ARHGAP35: variants seen among roughly 807,000 people sequenced by gnomAD.
The protein encoded by ARHGAP35 is rho GTPase-activating protein 35.
Under a neutral mutation model 111.1 loss-of-function variants are expected in ARHGAP35, and 15 were observed. The observed-to-expected ratio is 0.13, with a 90% CI of 0.09 to 0.21. The LOEUF (loss-of-function observed/expected upper bound fraction) is 0.21. ARHGAP35 is among the 10% of genes least tolerant of loss of function. ARHGAP35 has a pLI of 1.00. For missense variants in ARHGAP35, 1,262 were observed against 1,873.0 expected, an observed-to-expected ratio of 0.67 and a Z score of 6.02; for synonymous variants, 643 against 710.3, an observed-to-expected ratio of 0.91 and a Z score of 1.51.
At chr19:46,880,801 G>A (rs2055958127) in intron 1 of ARHGAP35, among the ~76,000 whole-genome samples, 1 of 150,860 alleles carries the variant, frequency 6.6e-6, no homozygotes, top group African/African-American at 2.4e-5. Flanking sequence ...TCAGCCTACC[G>A]AGTACCTGAG....
chr19:46,878,084 T>G (rs11883267), intron 1 of ARHGAP35, among the ~76,000 whole-genome samples: 4,074 of 152,178 alleles, frequency 0.027, 183 homozygotes, highest in African/African-American at 0.091. Flanking sequence ...AGTATAGTGG[T>G]GCAATCTTGG....
At chr19:46,991,933 A>C (rs1280558941) in intron 5 of ARHGAP35, among the ~76,000 whole-genome samples, 2 of 152,252 alleles carry the variant, frequency 1.3e-5, no homozygotes, top group Admixed American at 6.5e-5. Flanking sequence ...ACCAGTTTCA[A>C]ATCCCATCAC....
chr19:46,893,617 T>C (rs2056037591), intron 1 of ARHGAP35, among the ~76,000 whole-genome samples: 1 of 151,892 alleles, frequency 6.6e-6, no homozygotes, highest in African/African-American at 2.4e-5. Context: ...CTCTCCCCCC[T>C]TGGTTTTGCC....
rs1278367716 is a variant in ARHGAP35 at position 46,926,863 on chromosome 19, G to T, written c.3681+4507G>T. ...TTTGTGTGGACACAGCTCTCATTTT[G>T]TGAGGCCTAGAATGGAGTTAAAGTT... On this transcript the variant is annotated intron_variant, in intron 2 of 6. Coordinates refer to ENST00000672722, the MANE Select transcript of ARHGAP35 (RefSeq NM_004491.5). This position sits in a 1 kb window ranked among gnomAD's most constrained non-coding sequence, Gnocchi z 4.1. Among the ~76,000 whole-genome samples the T allele has an allele frequency of 6.6e-6, 1 of 152,194 alleles. No individual in the cohort carries two copies. Among genetic ancestry groups the T allele is most frequent in the Non-Finnish European group, 1.5e-5 (1 of 68,048 alleles).
chr19:46,974,350 C>T (rs776464193), intron 3 of ARHGAP35, among the ~76,000 whole-genome samples: 1 of 152,178 alleles, frequency 6.6e-6, no homozygotes, highest in Non-Finnish European at 1.5e-5. Context: ...AGTAAGCTTA[C>T]CCACACTTCT....
intron 2 of ARHGAP35, among the ~76,000 whole-genome samples, chr19:46,924,307 A>AT (rs2056226078): frequency 6.6e-6 from 1 of 152,136 alleles, no homozygotes; most frequent in Non-Finnish European, 1.5e-5. Context: ...GCCCCGAGAG[A>AT]TGGAGGAACA....
chr19:46,868,867 G>C (rs1418141821), intron 1 of ARHGAP35, among the ~76,000 whole-genome samples: 1 of 137,776 alleles, frequency 7.3e-6, no homozygotes, highest in Non-Finnish European at 1.6e-5. Flanking sequence ...CTTTCCTCTT[G>C]AGTTATTTAG....
intron 1 of ARHGAP35, among the ~76,000 whole-genome samples, chr19:46,874,125 C>T (rs879590570): frequency 8.5e-5 from 13 of 152,104 alleles, no homozygotes; most frequent in Non-Finnish European, 1.9e-4. Flanking sequence ...AATAATTTAG[C>T]AAAAGTTTGT....
At chr19:46,961,030 G>T (rs2056479165) in intron 3 of ARHGAP35, among the ~76,000 whole-genome samples, 1 of 152,114 alleles carries the variant, frequency 6.6e-6, no homozygotes, top group South Asian at 2.1e-4. Flanking sequence ...GAGTAGCTGG[G>T]ATTACCGGCG....
chr19:46,912,875 T>C (rs1258774252), intron 1 of ARHGAP35, among the ~76,000 whole-genome samples: 1 of 152,036 alleles, frequency 6.6e-6, no homozygotes, highest in Non-Finnish European at 1.5e-5. Context: ...ACTCATAGCT[T>C]TGAAGACTTA....
chr19:46,935,278 A>G (rs2056300970), intron 2 of ARHGAP35, among the ~76,000 whole-genome samples: 2 of 152,180 alleles, frequency 1.3e-5, no homozygotes. Context: ...CATTCACATT[A>G]TAGCATTCTC....
At position 47,001,511 on chromosome 19, in the gene ARHGAP35, C is replaced by G; in HGVS notation, c.*823C>G. 1.1e-6 allele frequency: 1 copy of G among 873,630 alleles called. No homozygotes were observed. Among genetic ancestry groups the G allele is most frequent in the South Asian group, 1.6e-5 (1 of 62,776 alleles). 54.1% of individuals were successfully genotyped at this position (873,630 alleles called of 1,614,324 possible). On this transcript the variant is annotated 3_prime_UTR_variant, in exon 7 of 7. Transcript: ENST00000672722. This position sits in a 1 kb window ranked among gnomAD's most constrained non-coding sequence, Gnocchi z 5.4. ...GCACACAGGTGGAGCTGACCCTCGT[C>G]TTTGTGGCAGCAAAACCAGGATGCC...
intron 1 of ARHGAP35, among the ~76,000 whole-genome samples, chr19:46,888,333 T>TACAC (rs72465629): frequency 0.028 from 1,866 of 67,418 alleles, 163 homozygotes; most frequent in African/African-American, 0.1. Flanking sequence ...ATTGATTTTA[T>TACAC]ACACACACAC....
At chr19:46,929,812 G>T (rs142389222) in intron 2 of ARHGAP35, among the ~76,000 whole-genome samples, 8 of 151,122 alleles carry the variant, frequency 5.3e-5, no homozygotes, top group African/African-American at 1.9e-4. Flanking sequence ...TACTCAGGAG[G>T]CTGAGGCAGA....
rs1257463274 is a variant in ARHGAP35 at position 46,918,219 on chromosome 19, T to G, written c.-188-269T>G. 6.6e-6 allele frequency among the ~76,000 whole-genome samples: 1 copy of G among 152,042 alleles called. No individual in the cohort carries two copies. The highest frequency in any genetic ancestry group is 1.9e-4 in the East Asian group (1 of 5,194). The stretch of plus-strand genomic sequence containing the variant: ...CTGCCCTAACCCTGGAATCAGCCCT[T>G]TTTCCAGGGAGCCCTCACACCCTTG... On this transcript the variant is annotated intron_variant, in intron 1 of 6. Coordinates refer to ENST00000672722, the MANE Select transcript of ARHGAP35 (RefSeq NM_004491.5). This position sits in a 1 kb window ranked among gnomAD's most constrained non-coding sequence, Gnocchi z 5.4.
intron 1 of ARHGAP35, among the ~76,000 whole-genome samples, chr19:46,892,317 G>GA (rs932197140): frequency 4.6e-4 from 60 of 130,184 alleles, no homozygotes; most frequent in African/African-American, 1.3e-3. Context: ...AAAAAAAAAA[G>GA]AAAAAAAAAA....
intron 3 of ARHGAP35, among the ~76,000 whole-genome samples, chr19:46,970,938 C>G (rs2056543858): frequency 6.6e-6 from 1 of 152,162 alleles, no homozygotes; most frequent in African/African-American, 2.4e-5. Flanking sequence ...TAACTGACCT[C>G]TAGCTTGACT....
chr19:46,963,047 A>G (rs2122274902), intron 3 of ARHGAP35, among the ~76,000 whole-genome samples: 1 of 152,296 alleles, frequency 6.6e-6, no homozygotes, highest in South Asian at 2.1e-4. Flanking sequence ...TCAGAATAAA[A>G]ATAAAGCAGA....
intron 3 of ARHGAP35, among the ~76,000 whole-genome samples, chr19:46,951,475 T>TA (rs1363908877): frequency 2.0e-5 from 3 of 152,044 alleles, no homozygotes; most frequent in African/African-American, 7.3e-5. Flanking sequence ...TAGTGTATAG[T>TA]ATGTACAGGA....
Sources: gnomAD v4.1 joint callset for allele counts (sites outside exome capture counted in the v4.1 genomes callset) on GRCh38, gnomAD v4.1.1 for gene constraint, Gnocchi (gnomAD v3.1) non-coding constraint, MANE v1.5 for transcripts, NCBI Gene and HGNC (gene_info 2026-07-23, HGNC 2026-07-21) for gene names.